The following UBE2E2 variants were observed in gnomAD, a reference collection of about 807,000 sequenced individuals.
UBE2E2 encodes the protein ubiquitin conjugating enzyme E2 E2.
Under a neutral mutation model 24.7 loss-of-function variants are expected in UBE2E2, and 6 were observed. The ratio of observed to expected loss-of-function variants is 0.24; its 90% CI spans 0.13 to 0.48. UBE2E2 has a LOEUF of 0.48. Among genes scored for constraint, UBE2E2 ranks in the 20% least tolerant of loss-of-function variants. UBE2E2 has a pLI of 0.99. For synonymous variants in UBE2E2, 104 were observed against 83.6 expected, an observed-to-expected ratio of 1.24 and a Z score of -1.33; for missense variants, 169 against 245.0, an observed-to-expected ratio of 0.69 and a Z score of 2.07.
intron 3 of UBE2E2, among the ~76,000 whole-genome samples, chr3:23,411,639 G>A (rs1038613415): frequency 6.6e-6 from 1 of 151,958 alleles, no homozygotes; most frequent in Non-Finnish European, 1.5e-5. Context: ...TAATTTCTTC[G>A]TCTATAATTG....
rs555448850 is a variant in UBE2E2, at chr3:23,450,120, T to G, written c.228-49488T>G. Among the ~76,000 whole-genome samples the G allele has an allele frequency of 3.9e-5, 6 of 152,354 alleles. No individual in the cohort carries two copies. The East Asian group carries it at 1.2e-3, about 29-fold the overall frequency. ...CATTTCAGAAAATGAGATAAAAGCC[T>G]GCTTTTATCCCCTTGCTTCTTTTTT... is the stretch of plus-strand genomic sequence containing the variant. On this transcript the variant is annotated intron_variant, in intron 3 of 5. Transcript: ENST00000396703.
intron 3 of UBE2E2, among the ~76,000 whole-genome samples, chr3:23,278,739 C>T (rs751621337): frequency 1.4e-4 from 22 of 151,966 alleles, no homozygotes; most frequent in Non-Finnish European, 3.1e-4. Context: ...ATAAAATGAT[C>T]AGTATTAATG....
intron 5 of UBE2E2, among the ~76,000 whole-genome samples, chr3:23,571,280 C>CTTTTTTTTTT (rs59243406): frequency 0.024 from 713 of 29,874 alleles, 282 homozygotes; most frequent in South Asian, 0.043. Context: ...GTGCTCCTTT[C>CTTTTTTTTTT]TTTTTTTTTT....
At chr3:23,246,485 T>C (rs1694147611) in intron 3 of UBE2E2, among the ~76,000 whole-genome samples, 1 of 145,044 alleles carries the variant, frequency 6.9e-6, no homozygotes, top group South Asian at 2.3e-4. Flanking sequence ...TCCGCCCACC[T>C]CAGCCTCCCA....
At chr3:23,241,357 A>G (rs568328291) in intron 3 of UBE2E2, among the ~76,000 whole-genome samples, 249 of 152,266 alleles carry the variant, frequency 1.6e-3, no homozygotes, top group African/African-American at 5.6e-3. Flanking sequence ...TATATAGTCT[A>G]TTCTTAATAT....
intron 3 of UBE2E2, among the ~76,000 whole-genome samples, chr3:23,442,671 A>G (rs1396000291): frequency 6.6e-6 from 1 of 152,182 alleles, no homozygotes; most frequent in Admixed American, 6.5e-5. Flanking sequence ...TTTAAAATCC[A>G]AAAGAAATTT....
chr3:23,568,966 A>G (rs890299833), intron 5 of UBE2E2, among the ~76,000 whole-genome samples: 20 of 152,126 alleles, frequency 1.3e-4, no homozygotes, highest in African/African-American at 4.3e-4. Context: ...AGACCAAGCA[A>G]TCCTACAACT....
chr3:23,253,416 T>C (rs375332324), intron 3 of UBE2E2, among the ~76,000 whole-genome samples: 14 of 152,176 alleles, frequency 9.2e-5, no homozygotes, highest in African/African-American at 3.4e-4. Context: ...TAAACAGGCA[T>C]GTGGGATATG....
At chr3:23,408,347 T>C (rs549570520) in intron 3 of UBE2E2, among the ~76,000 whole-genome samples, 1 of 152,250 alleles carries the variant, frequency 6.6e-6, no homozygotes, top group South Asian at 2.1e-4. Context: ...GGTTTGATAA[T>C]TTATTTGTTT....
rs532811279 is a variant in UBE2E2 at position 23,263,414 on chromosome 3, T to G, written c.227+46102T>G. ...AACTTGAATAGAATTTCTGAAGAGC[T>G]TCTGCCTATAATATTGATTTTGGCT... On this transcript the variant is annotated intron_variant, in intron 3 of 5. Coordinates refer to ENST00000396703, the MANE Select transcript of UBE2E2 (RefSeq NM_152653.4). 4.6e-5 allele frequency among the ~76,000 whole-genome samples: 7 copies of G among 152,370 alleles called. No individual in the cohort carries two copies. In the South Asian group the frequency reaches 1.4e-3, roughly 32 times the overall value.
chr3:23,504,839 TTTTTTCCTACCAAAAACAC>T (rs1257068667), intron 4 of UBE2E2, among the ~76,000 whole-genome samples: 1 of 151,222 alleles, frequency 6.6e-6, no homozygotes, highest in East Asian at 1.9e-4. Flanking sequence ...TATGTTGGGG[TTTTTTCCTACCAAAAACAC>T]TTTGAAAATA....
intron 3 of UBE2E2, among the ~76,000 whole-genome samples, chr3:23,328,288 G>A (rs1353527899): frequency 2.6e-5 from 4 of 152,146 alleles, no homozygotes; most frequent in Admixed American, 6.5e-5. Flanking sequence ...ATAAAATACA[G>A]TTGGTCCCTG....
At chr3:23,512,911 G>A (rs577576169) in intron 4 of UBE2E2, among the ~76,000 whole-genome samples, 2 of 151,778 alleles carry the variant, frequency 1.3e-5, no homozygotes, top group East Asian at 3.9e-4. Context: ...TGGCAGAGCA[G>A]GACCTTGACC....
intron 3 of UBE2E2, among the ~76,000 whole-genome samples, chr3:23,225,301 G>C (rs1462158281): frequency 6.7e-6 from 1 of 148,612 alleles, no homozygotes; most frequent in Non-Finnish European, 1.5e-5. Flanking sequence ...TTTGCTTTTT[G>C]TGAAGTCTAA....
intron 5 of UBE2E2, among the ~76,000 whole-genome samples, chr3:23,564,275 A>G (rs1049054161): frequency 5.9e-5 from 9 of 152,196 alleles, no homozygotes; most frequent in Admixed American, 2.6e-4. Flanking sequence ...ATGCAAATAT[A>G]CACAGCATAT....
At chr3:23,504,204 C>G (rs1007995608) in intron 4 of UBE2E2, among the ~76,000 whole-genome samples, 3 of 152,096 alleles carry the variant, frequency 2.0e-5, no homozygotes, top group Admixed American at 1.3e-4. Flanking sequence ...TTCATGATTA[C>G]TTTTTAATCT....
chr3:23,463,762 G>A (rs998368474), intron 3 of UBE2E2, among the ~76,000 whole-genome samples: 4 of 152,068 alleles, frequency 2.6e-5, no homozygotes, highest in Non-Finnish European at 4.4e-5. Context: ...TATCAAATAT[G>A]TTTGAGATTG....
chr3:23,206,412 T>G (rs1356012390), intron 1 of UBE2E2, among the ~76,000 whole-genome samples: 2 of 152,344 alleles, frequency 1.3e-5, no homozygotes, highest in Admixed American at 1.3e-4. Flanking sequence ...GATATAAAAT[T>G]TCAGTGTTCT....
intron 5 of UBE2E2, among the ~76,000 whole-genome samples, chr3:23,564,042 T>G (rs1376098044): frequency 1.3e-5 from 2 of 151,748 alleles, no homozygotes; most frequent in African/African-American, 2.4e-5. Context: ...TTTCTGTTTT[T>G]TTTTACCATT....
Sources: allele counts gnomAD v4.1 joint callset (sites outside exome capture counted in the v4.1 genomes callset), GRCh38; gene constraint gnomAD v4.1.1; transcripts MANE v1.5; gene names NCBI Gene and HGNC (gene_info 2026-07-23, HGNC 2026-07-21).